The following CSNK2A2IP variants were observed in gnomAD, a reference collection of about 807,000 sequenced individuals.
CSNK2A2IP encodes the protein casein kinase 2 subunit alpha' interacting protein, also known as casein kinase II subunit alpha'-interacting protein.
chr3:88,375,466 T>C, the CSNK2A2IP span, among the ~76,000 whole-genome samples: 2 of 151,710 alleles, frequency 1.3e-5, no homozygotes, highest in Non-Finnish European at 3.0e-5. Flanking sequence ...TGTGAGCACT[T>C]GTGAAGACTC....
the CSNK2A2IP span, among the ~76,000 whole-genome samples, chr3:88,423,865 G>A: frequency 6.6e-6 from 1 of 152,058 alleles, no homozygotes; most frequent in Non-Finnish European, 1.5e-5. Flanking sequence ...AGTAATCCCA[G>A]GAAAAGGGAT....
At chr3:88,376,615 T>G in the CSNK2A2IP span, among the ~76,000 whole-genome samples, 1 of 150,302 alleles carries the variant, frequency 6.7e-6, no homozygotes, top group African/African-American at 2.5e-5. Flanking sequence ...ACATTCACTA[T>G]TTTTTTTCAG....
At chr3:88,430,522 G>A in the CSNK2A2IP span, among the ~76,000 whole-genome samples, 4 of 151,912 alleles carry the variant, frequency 2.6e-5, no homozygotes, top group African/African-American at 9.7e-5. Flanking sequence ...GTCATCCATA[G>A]GATAAATTGA....
the CSNK2A2IP span, among the ~76,000 whole-genome samples, chr3:88,359,287 C>T: frequency 2.6e-5 from 4 of 151,496 alleles, no homozygotes. Flanking sequence ...CTTAGTCTGG[C>T]TAAAGGTTGT....
chr3:88,382,357 C>T, the CSNK2A2IP span, among the ~76,000 whole-genome samples: 2 of 152,168 alleles, frequency 1.3e-5, no homozygotes, highest in Non-Finnish European at 2.9e-5. Flanking sequence ...AGTGACACTG[C>T]CTCCTCCCTA....
chr3:88,385,436 C>T, the CSNK2A2IP span, among the ~76,000 whole-genome samples: 1 of 152,092 alleles, frequency 6.6e-6, no homozygotes, highest in African/African-American at 2.4e-5. Context: ...AGGTGGAAAC[C>T]AGATTGGAAG....
the CSNK2A2IP span, chr3:88,465,619 C>T: frequency 8.1e-7 from 1 of 1,231,678 alleles, no homozygotes; most frequent in Non-Finnish European, 1.0e-6. Flanking sequence ...TGATAGGTTT[C>T]TGAATTCACC....
At chr3:88,453,610 T>C in the CSNK2A2IP span, among the ~76,000 whole-genome samples, 14 of 152,248 alleles carry the variant, frequency 9.2e-5, no homozygotes, top group East Asian at 1.5e-3. Flanking sequence ...TTTGTTTTGA[T>C]GGTTTATTGA....
At chr3:88,385,545 G>GA in the CSNK2A2IP span, among the ~76,000 whole-genome samples, 1 of 152,124 alleles carries the variant, frequency 6.6e-6, no homozygotes, top group East Asian at 1.9e-4. Context: ...TAAATGATTT[G>GA]AAATGAGATA....
chr3:88,415,985 G>C, the CSNK2A2IP span, among the ~76,000 whole-genome samples: 169 of 151,850 alleles, frequency 1.1e-3, no homozygotes, highest in South Asian at 0.018. Context: ...AATGAAAAAG[G>C]GTGGGCCAGG....
the CSNK2A2IP span, among the ~76,000 whole-genome samples, chr3:88,363,132 G>C: frequency 4.6e-5 from 7 of 152,248 alleles, no homozygotes; most frequent in Non-Finnish European, 1.0e-4. Flanking sequence ...ACTGCCTGCA[G>C]AGTGGGGATG....
At chr3:88,408,702 G>A in the CSNK2A2IP span, among the ~76,000 whole-genome samples, 1 of 151,950 alleles carries the variant, frequency 6.6e-6, no homozygotes, top group African/African-American at 2.4e-5. Flanking sequence ...CCATTGAAAG[G>A]GGGGCCACTG....
At chr3:88,392,626 C>T in the CSNK2A2IP span, among the ~76,000 whole-genome samples, 22 of 152,180 alleles carry the variant, frequency 1.4e-4, no homozygotes, top group African/African-American at 5.3e-4. Context: ...AAACACATTG[C>T]AATTGAATTT....
At chr3:88,360,019 C>G in the CSNK2A2IP span, among the ~76,000 whole-genome samples, 1 of 152,024 alleles carries the variant, frequency 6.6e-6, no homozygotes, top group Non-Finnish European at 1.5e-5. Context: ...ATAAAATTTG[C>G]TTTATACATC....
At chr3:88,366,519 T>C in the CSNK2A2IP span, among the ~76,000 whole-genome samples, 51 of 152,276 alleles carry the variant, frequency 3.3e-4, no homozygotes, top group African/African-American at 1.2e-3. Flanking sequence ...AAAAACAGAA[T>C]ACTTTATATC....
chr3:88,394,051 TATGGTGTTCTCAGTAG>T, the CSNK2A2IP span, among the ~76,000 whole-genome samples: 1 of 152,176 alleles, frequency 6.6e-6, no homozygotes, highest in Non-Finnish European at 1.5e-5. Flanking sequence ...ATGTGAGGGA[TATGGTGTTCTCAGTAG>T]ATAAGTAGTT....
the CSNK2A2IP span, among the ~76,000 whole-genome samples, chr3:88,450,755 A>G: frequency 6.6e-6 from 1 of 152,114 alleles, no homozygotes; most frequent in Admixed American, 6.6e-5. Flanking sequence ...TCATCCCTTC[A>G]TCAATGAGTA....
At chr3:88,373,251 C>T in the CSNK2A2IP span, among the ~76,000 whole-genome samples, 1 of 151,318 alleles carries the variant, frequency 6.6e-6, no homozygotes, top group Admixed American at 6.6e-5. Context: ...TGTATTAATA[C>T]ATTCAAAAGG....
chr3:88,435,673 T>C, the CSNK2A2IP span, among the ~76,000 whole-genome samples: 1 of 152,098 alleles, frequency 6.6e-6, no homozygotes, highest in South Asian at 2.1e-4. Flanking sequence ...TAACTGAACA[T>C]TCTAATGGCA....
Sources: allele counts gnomAD v4.1 joint callset (sites outside exome capture counted in the v4.1 genomes callset), GRCh38; gene constraint gnomAD v4.1.1; transcripts MANE v1.5; gene names NCBI Gene and HGNC (gene_info 2026-07-23, HGNC 2026-07-21).